ATP2A3: variants seen among roughly 807,000 people sequenced by gnomAD.
The protein encoded by ATP2A3 is sarcoplasmic/endoplasmic reticulum calcium ATPase 3.
ATP2A3 carries 61 observed loss-of-function variants against 106.8 expected under a neutral mutation model. The ratio of observed to expected loss-of-function variants is 0.57; its 90% CI spans 0.46 to 0.71. The LOEUF (loss-of-function observed/expected upper bound fraction) is 0.71, where lower values mean the gene tolerates loss of function less well. Among genes scored for constraint, ATP2A3 ranks in the 30% least tolerant of loss-of-function variants. ATP2A3 has a pLI of 0.00. For synonymous variants in ATP2A3, 611 were observed against 609.3 expected, an observed-to-expected ratio of 1.00 and a Z score of -0.04; for missense variants, 1,201 against 1,423.5, an observed-to-expected ratio of 0.84 and a Z score of 2.52.
rs766090650 is a variant in ATP2A3, at chr17:3,929,315, C to T, written c.2862+13G>A. 5.7e-5 allele frequency: 88 copies of T among 1,546,376 alleles called. No individual in the cohort carries two copies. The highest frequency in any genetic ancestry group is 2.7e-4 in the Admixed American group (14 of 51,010). On this transcript the variant is annotated intron_variant, in intron 19 of 20. Transcript: ENST00000397041. The surrounding 1 kb of genome is among the most constrained non-coding windows in gnomAD (Gnocchi z 4.3). Reference sequence around the variant, plus strand: ...CCAGGGACCAGGGCAGTGGGGCAGGCGGGGTGACTCACAGGCAGGGGCGGC... The same window carrying T: ...CCAGGGACCAGGGCAGTGGGGCAGGTGGGGTGACTCACAGGCAGGGGCGGC...
At chr17:3,943,716 C>T (rs553592386) in intron 10 of ATP2A3, among the ~76,000 whole-genome samples, 194 bp from the exon 11 acceptor site, 5 of 152,312 alleles carry the variant, frequency 3.3e-5, no homozygotes, top group African/African-American at 9.6e-5. Context: ...TTCAGCCCCC[C>T]ACACTGGCAT....
rs1455612396 is a variant in ATP2A3, at chr17:3,942,287, G to C, written c.1545+319C>G. On this transcript the variant is annotated intron_variant, in intron 12 of 20. Coordinates refer to ENST00000397041, the MANE Select transcript of ATP2A3 (RefSeq NM_005173.4). ...GTACAGAAGCCTTTTCATTTCAAAA[G>C]GGGTTTAAACTTCCCTTGCAGGGTG... Among the ~76,000 whole-genome samples, 5 of 152,338 alleles carry C rather than the reference G, an allele frequency of 3.3e-5. No homozygotes were observed. The East Asian group carries it at 9.6e-4, about 29-fold the overall frequency.
intron 3 of ATP2A3, 69 bp from the exon 4 acceptor site, chr17:3,951,754 C>G: frequency 7.1e-7 from 1 of 1,412,136 alleles, no homozygotes; most frequent in Non-Finnish European, 9.8e-7. Flanking sequence ...TTCCTTGGCA[C>G]CCCGGATCTC....
chr17:3,953,847 G>A lies in ATP2A3; in HGVS notation c.119-137C>T. On this transcript the variant is annotated intron_variant, in intron 1 of 20. Coordinates refer to ENST00000397041, the MANE Select transcript of ATP2A3 (RefSeq NM_005173.4). This position sits in a 1 kb window ranked among gnomAD's most constrained non-coding sequence, Gnocchi z 5.1. ...CACCACGGACTGGATGTATCCCCAGGGCTCTCTGAGGCCACAGGATAAATG... is the reference window on the plus strand; with the variant it reads ...CACCACGGACTGGATGTATCCCCAGAGCTCTCTGAGGCCACAGGATAAATG... 2.2e-6 allele frequency: 2 copies of A among 909,072 alleles called. No homozygotes were observed. The highest frequency in any genetic ancestry group is 2.0e-5 in the Admixed American group (1 of 50,096). The allele number at this position is 909,072 out of a possible 1,614,324, so 56.3% of individuals were successfully genotyped here. A position where few individuals can be genotyped will look rare whatever the true frequency, so the allele number is the denominator to read the frequency against.
intron 14 of ATP2A3, among the ~76,000 whole-genome samples, chr17:3,937,993 G>A (rs550455940): frequency 2.6e-5 from 4 of 152,288 alleles, no homozygotes; most frequent in South Asian, 2.1e-4. Flanking sequence ...GGTCAAGTCA[G>A]GAATGAAGTC....
At chr17:3,927,553 A>G (rs1011947170) in intron 20 of ATP2A3, 2 of 985,292 alleles carry the variant, frequency 2.0e-6, no homozygotes, top group African/African-American at 3.5e-5. Context: ...CAGTGCAGGG[A>G]TGCCTTGGGC....
Position 3,953,596 on chromosome 17 carries a change from G to C in ATP2A3, c.136+97C>G, listed in dbSNP as rs2054581355. On this transcript the variant is annotated intron_variant, in intron 2 of 20. Transcript: ENST00000397041. This position sits in a 1 kb window ranked among gnomAD's most constrained non-coding sequence, Gnocchi z 5.1. ...TGGGTGATCCTGGGGAGCTCAGCAA[G>C]GCCTCACTCAGCGGGGAGAAGGAAG... 1 of 1,526,638 alleles carries C rather than the reference G, an allele frequency of 6.6e-7. No individual in the cohort carries two copies. Among genetic ancestry groups the C allele is most frequent in the Admixed American group, 2.0e-5 (1 of 51,190 alleles). 94.6% of individuals were successfully genotyped at this position (1,526,638 alleles called of 1,614,324 possible).
chr17:3,944,832 A>AG, intron 9 of ATP2A3, 26 bp from the exon 10 acceptor site: 1 of 1,591,054 alleles, frequency 6.3e-7, no homozygotes, highest in East Asian at 2.3e-5. Flanking sequence ...GGTCACCAGG[A>AG]GGACCTCGGC....
intron 7 of ATP2A3, among the ~76,000 whole-genome samples, chr17:3,949,854 A>T (rs576370217): frequency 1.3e-5 from 2 of 152,256 alleles, no homozygotes; most frequent in East Asian, 3.9e-4. Flanking sequence ...TCCCCGTAGG[A>T]CTTTAGCTGA....
Position 3,937,628 on chromosome 17 carries a change from A to G in ATP2A3, c.2109T>C (p.Asp703=), listed in dbSNP as rs1291569658. 2 of 1,613,766 alleles carry G rather than the reference A, an allele frequency of 1.2e-6. No homozygotes were observed. Among genetic ancestry groups the G allele is most frequent in the East Asian group, 4.5e-5 (2 of 44,876 alleles). ...TCAGGGCTGGTGCGTCGTTCACTCCATCGCCAGTCTGTGGGCCAGGTCAGG... is the reference window on the plus strand; with the variant it reads ...TCAGGGCTGGTGCGTCGTTCACTCCGTCGCCAGTCTGTGGGCCAGGTCAGG... ...SFNEITAMTG[D]GVNDAPALKK... Residue 703 remains aspartate, a synonymous_variant, in exon 15 of 21, where the codon GAT becomes GAC. Transcript: ENST00000397041.
At position 3,928,794 on chromosome 17, in the gene ATP2A3, G is replaced by A; in HGVS notation, c.2863-14C>T. 6.5e-7 allele frequency: 1 copy of A among 1,548,440 alleles called. No individual in the cohort carries two copies. Among genetic ancestry groups the A allele is most frequent in the South Asian group, 1.2e-5 (1 of 84,166 alleles). Reference sequence around the variant, plus strand: ...CTGGAAAATGAGCTGGCGGGGAGGGGAAGGGAGGTTTGGTTAAAGGAAGGA... The same window carrying A: ...CTGGAAAATGAGCTGGCGGGGAGGGAAAGGGAGGTTTGGTTAAAGGAAGGA... On this transcript the variant is annotated splice_polypyrimidine_tract_variant and intron_variant, in intron 19 of 20. Coordinates refer to ENST00000397041, the MANE Select transcript of ATP2A3 (RefSeq NM_005173.4). This position sits in a 1 kb window ranked among gnomAD's most constrained non-coding sequence, Gnocchi z 6.1.
At chr17:3,942,362 G>A (rs8071579) in intron 12 of ATP2A3, among the ~76,000 whole-genome samples, 60,305 of 152,072 alleles carry the variant, frequency 0.4, 12,684 homozygotes, top group Middle Eastern at 0.56. Context: ...CAACGGAGAC[G>A]CTGTAGACAG....
chr17:3,928,675 T>G lies in ATP2A3; in HGVS notation c.2968A>C (p.Asn990His). The G allele has an allele frequency of 6.4e-7, 1 of 1,550,808 alleles. No individual in the cohort carries two copies. Among genetic ancestry groups the G allele is most frequent in the African/African-American group, 1.4e-5 (1 of 73,098 alleles). ...LDEALKYLSR[N>H]HMHEEMSQK ...GCCTCCCACTCACCGTGCATGTGGT[T>G]CCGGGACAGGTACTTGAGGGCCTCA... Residue 990 changes from asparagine (N) to histidine (H), a missense_variant, in exon 20 of 21, where the codon AAC (asparagine) becomes CAC (histidine). Coordinates refer to ENST00000397041, the MANE Select transcript of ATP2A3 (RefSeq NM_005173.4). This position sits in a 1 kb window ranked among gnomAD's most constrained non-coding sequence, Gnocchi z 6.1.
chr17:3,962,640 G>T (rs550983013), intron 1 of ATP2A3, among the ~76,000 whole-genome samples: 1 of 152,168 alleles, frequency 6.6e-6, no homozygotes, highest in African/African-American at 2.4e-5. Flanking sequence ...CCAAATAACA[G>T]GTGGGGAAGG....
Position 3,925,539 on chromosome 17 carries a change from A to T in ATP2A3, c.2981-98T>A. ...CCTTCCATCCTCCACTTCTCCCAGG[A>T]CAGCCCCAGGCTCCCAAGGCCTCCC... On this transcript the variant is annotated intron_variant, in intron 20 of 20. Transcript: ENST00000397041. This position sits in a 1 kb window ranked among gnomAD's most constrained non-coding sequence, Gnocchi z 4.2. The T allele has an allele frequency of 6.8e-7, 1 of 1,470,560 alleles. No homozygotes were observed. Among genetic ancestry groups the T allele is most frequent in the South Asian group, 1.2e-5 (1 of 82,924 alleles). The allele number at this position is 1,470,560 out of a possible 1,614,324, so 91.1% of individuals were successfully genotyped here.
chr17:3,961,749 G>C (rs937537456), intron 1 of ATP2A3, among the ~76,000 whole-genome samples: 1 of 152,146 alleles, frequency 6.6e-6, no homozygotes, highest in Non-Finnish European at 1.5e-5. Context: ...AGCCTCTTCT[G>C]CGACAAGGAA....
chr17:3,954,123 G>T (rs972116929), intron 1 of ATP2A3, among the ~76,000 whole-genome samples: 1 of 152,086 alleles, frequency 6.6e-6, no homozygotes, highest in African/African-American at 2.4e-5. Flanking sequence ...TTAGATGGCC[G>T]CAGAGTCCTG....
rs3744673 is a variant in ATP2A3, at chr17:3,953,732, G to A, written c.119-22C>T. 1.6e-4 allele frequency: 256 copies of A among 1,569,070 alleles called. 3 individuals are homozygous for A. In the East Asian group the frequency reaches 4.1e-3, roughly 25 times the overall value. On this transcript the variant is annotated intron_variant, in intron 1 of 20. Coordinates refer to ENST00000397041, the MANE Select transcript of ATP2A3 (RefSeq NM_005173.4). The surrounding 1 kb of genome is among the most constrained non-coding windows in gnomAD (Gnocchi z 5.1). ...AGCTCTGCAGGATCCAGGCAGCCAC[G>A]GGAGCCATGAGGAGACAAGAGAGGA...
Position 3,924,698 on chromosome 17 carries a change from T to G in ATP2A3, c.*724A>C, listed in dbSNP as rs2052611726. ...CAGGAGGCGCGCGGGGCTGAGGCAG[T>G]CCAGCCAGGCTTTCCCGACTTGTCT... is the stretch of plus-strand genomic sequence containing the variant. On this transcript the variant is annotated 3_prime_UTR_variant, in exon 21 of 21. Transcript: ENST00000397041. The surrounding 1 kb of genome is among the most constrained non-coding windows in gnomAD (Gnocchi z 6.4). 1 of 443,272 alleles carries G rather than the reference T, an allele frequency of 2.3e-6. No individual in the cohort carries two copies. The highest frequency in any genetic ancestry group is 2.0e-5 in the African/African-American group (1 of 49,606). 27.5% of individuals were successfully genotyped at this position (443,272 alleles called of 1,614,324 possible). A position where few individuals can be genotyped will look rare whatever the true frequency, so the allele number is the denominator to read the frequency against.
Sources: allele counts gnomAD v4.1 joint callset (sites outside exome capture counted in the v4.1 genomes callset), GRCh38; gene constraint gnomAD v4.1.1; non-coding constraint Gnocchi (gnomAD v3.1); transcripts MANE v1.5; gene names NCBI Gene and HGNC (gene_info 2026-07-23, HGNC 2026-07-21).